The following RGS7 variants were observed in gnomAD, a reference collection of about 807,000 sequenced individuals.
RGS7 encodes the protein regulator of G-protein signaling 7.
In RGS7, 27 loss-of-function variants were observed where a neutral mutation model predicts 81.1. The observed-to-expected ratio is 0.33, with a 90% CI of 0.25 to 0.46. RGS7 has a LOEUF of 0.46. Among genes scored for constraint, RGS7 ranks in the 20% least tolerant of loss-of-function variants. RGS7 has a pLI of 1.00. For synonymous variants in RGS7, 208 were observed against 207.7 expected, an observed-to-expected ratio of 1.00 and a Z score of -0.01; for missense variants, 396 against 607.4, an observed-to-expected ratio of 0.65 and a Z score of 3.66.
intron 4 of RGS7, among the ~76,000 whole-genome samples, chr1:240,937,143 G>C (rs903472035): frequency 6.6e-6 from 1 of 152,090 alleles, no homozygotes; most frequent in Non-Finnish European, 1.5e-5. Context: ...GTAGCCAATC[G>C]GGTCAGTTTA....
chr1:240,963,135 G>A (rs967957538), intron 4 of RGS7, among the ~76,000 whole-genome samples: 1 of 152,158 alleles, frequency 6.6e-6, no homozygotes, highest in African/African-American at 2.4e-5. Context: ...GTTGGAATGA[G>A]GAGTGAGATA....
chr1:240,860,049 T>C (rs779390870), intron 9 of RGS7, among the ~76,000 whole-genome samples: 13 of 152,216 alleles, frequency 8.5e-5, no homozygotes, highest in Non-Finnish European at 1.9e-4. Flanking sequence ...TATATCATTT[T>C]GGTCTGAGAA....
intron 4 of RGS7, among the ~76,000 whole-genome samples, chr1:240,967,956 C>T (rs140623076): frequency 6.6e-6 from 1 of 152,262 alleles, no homozygotes; most frequent in East Asian, 1.9e-4. Context: ...ACATTTGACT[C>T]CTGTCCCTAG....
intron 2 of RGS7, among the ~76,000 whole-genome samples, chr1:241,342,335 G>C (rs1299278659): frequency 6.6e-6 from 1 of 152,178 alleles, no homozygotes; most frequent in African/African-American, 2.4e-5. Context: ...CCCCCAGGCA[G>C]AGATTTAGCA....
At chr1:241,355,122 G>A (rs1271331033) in intron 2 of RGS7, among the ~76,000 whole-genome samples, 1 of 151,998 alleles carries the variant, frequency 6.6e-6, no homozygotes, top group Non-Finnish European at 1.5e-5. Flanking sequence ...ATAGGCATAC[G>A]GCACTAGAAT....
intron 9 of RGS7, among the ~76,000 whole-genome samples, chr1:240,865,367 A>G (rs949693220): frequency 2.0e-5 from 3 of 152,196 alleles, no homozygotes; most frequent in African/African-American, 4.8e-5. Flanking sequence ...GCGGTATGCA[A>G]TATCAGGCCC....
At chr1:241,099,076 T>A (rs1229626695) in intron 2 of RGS7, among the ~76,000 whole-genome samples, 3 of 152,234 alleles carry the variant, frequency 2.0e-5, no homozygotes, top group Non-Finnish European at 4.4e-5. Context: ...CACAAGGTTT[T>A]AGAAACCATT....
intron 18 of RGS7, among the ~76,000 whole-genome samples, chr1:240,785,900 A>C (rs1684982773): frequency 6.6e-6 from 1 of 152,220 alleles, no homozygotes; most frequent in African/African-American, 2.4e-5. Flanking sequence ...AGTTCCTAGA[A>C]TGTTAAAGAT....
intron 4 of RGS7, among the ~76,000 whole-genome samples, chr1:240,948,897 T>C (rs2148427318): frequency 1.3e-5 from 2 of 151,548 alleles, no homozygotes; most frequent in South Asian, 2.1e-4. Context: ...AATGTGTTGG[T>C]ATCCCTGTAA....
At chr1:241,323,613 A>T (rs1444733858) in intron 2 of RGS7, among the ~76,000 whole-genome samples, 2 of 152,236 alleles carry the variant, frequency 1.3e-5, no homozygotes, top group Admixed American at 1.3e-4. Context: ...AACGAGTCCA[A>T]GAGACAAAGT....
At chr1:240,880,835 G>C (rs149865258) in intron 6 of RGS7, among the ~76,000 whole-genome samples, 4 of 152,270 alleles carry the variant, frequency 2.6e-5, no homozygotes, top group African/African-American at 9.6e-5. Context: ...TTTTTCAAAT[G>C]AGTAGTGTGT....
chr1:241,314,598 C>T (rs531141859), intron 2 of RGS7, among the ~76,000 whole-genome samples: 5 of 152,156 alleles, frequency 3.3e-5, no homozygotes, highest in Non-Finnish European at 7.4e-5. Context: ...GCAATATATC[C>T]AAGCTATGCC....
At chr1:241,184,485 C>T (rs565575576) in intron 2 of RGS7, among the ~76,000 whole-genome samples, 5 of 152,230 alleles carry the variant, frequency 3.3e-5, no homozygotes, top group Admixed American at 2.0e-4. Flanking sequence ...ATTCCCAAAT[C>T]GGAAATGCTC....
rs577937053 is a variant in RGS7 at position 241,163,484 on chromosome 1, C to T, written c.79-64722G>A. Among the ~76,000 whole-genome samples the T allele has an allele frequency of 2.3e-4, 35 of 152,238 alleles. 1 individual carries two copies. Among genetic ancestry groups the T allele is most frequent in the South Asian group, 6.2e-4 (3 of 4,814 alleles). ...GATGTAGCCAGGCTTTCTCCAAGGG[C>T]CTCCCCTGTCCTCTTCCAGATCTAG... On this transcript the variant is annotated intron_variant, in intron 2 of 18. Coordinates refer to ENST00000440928, the MANE Select transcript of RGS7 (RefSeq NM_001364886.1). This position sits in a 1 kb window ranked among gnomAD's most constrained non-coding sequence, Gnocchi z 4.6.
At chr1:241,046,335 CTGT>C (rs1265808087) in intron 3 of RGS7, among the ~76,000 whole-genome samples, 2 of 147,204 alleles carry the variant, frequency 1.4e-5, no homozygotes, top group African/African-American at 5.0e-5. Flanking sequence ...TCCCCAATGT[CTGT>C]TGTTCCCATC....
At chr1:241,197,626 T>C (rs1367464751) in intron 2 of RGS7, among the ~76,000 whole-genome samples, 1 of 151,908 alleles carries the variant, frequency 6.6e-6, no homozygotes, top group African/African-American at 2.4e-5. Context: ...TCACTTTCCA[T>C]AATGATAGAA....
At chr1:241,092,056 C>A (rs1015303235) in intron 3 of RGS7, among the ~76,000 whole-genome samples, 3 of 151,978 alleles carry the variant, frequency 2.0e-5, no homozygotes, top group Admixed American at 1.3e-4. Context: ...TATAAAGCAC[C>A]CATGATTATG....
At chr1:241,173,122 T>G (rs753853984) in intron 2 of RGS7, among the ~76,000 whole-genome samples, 12 of 152,190 alleles carry the variant, frequency 7.9e-5, no homozygotes, top group Non-Finnish European at 1.6e-4. Context: ...TTCAGGTGCA[T>G]AAACTGAGGC....
At chr1:240,968,180 TGGATGA>T (rs1299164082) in intron 4 of RGS7, among the ~76,000 whole-genome samples, 3 of 152,188 alleles carry the variant, frequency 2.0e-5, no homozygotes, top group Non-Finnish European at 2.9e-5. Flanking sequence ...CCCGTGTTCA[TGGATGA>T]ACCCCAGCAG....
Sources: allele counts gnomAD v4.1 joint callset (sites outside exome capture counted in the v4.1 genomes callset), GRCh38; gene constraint gnomAD v4.1.1; non-coding constraint Gnocchi (gnomAD v3.1); transcripts MANE v1.5; gene names NCBI Gene and HGNC (gene_info 2026-07-23, HGNC 2026-07-21).